Variants in URB1 observed in about 807,000 individuals in gnomAD.
The protein encoded by URB1 is nucleolar pre-ribosomal-associated protein 1.
URB1 carries 197 observed loss-of-function variants against 242.3 expected under a neutral mutation model. That is an observed-to-expected ratio of 0.81 (90% CI 0.72 to 0.91). The LOEUF (loss-of-function observed/expected upper bound fraction) is 0.91, where lower values mean the gene tolerates loss of function less well. URB1 is among the 40% of genes least tolerant of loss of function. URB1 has a pLI of 0.00. For synonymous variants in URB1, 1,153 were observed against 1,201.8 expected (o/e 0.96, Z 0.84); for missense variants, 2,721 against 2,860.5 (o/e 0.95, Z 1.11).
intron 4 of URB1, among the ~76,000 whole-genome samples, chr21:32,382,623 A>G (rs7276162): frequency 0.017 from 2,549 of 152,228 alleles, 67 homozygotes; most frequent in African/African-American, 0.058. Flanking sequence ...ATGGACTGAT[A>G]CCTGTCCCCT....
intron 1 of URB1, among the ~76,000 whole-genome samples, chr21:32,386,040 T>G (rs1225500790): frequency 6.6e-6 from 1 of 151,360 alleles, no homozygotes; most frequent in African/African-American, 2.4e-5. Flanking sequence ...TAGTCCCAGC[T>G]ACTTGGGAGG....
chr21:32,324,122 G>T (rs570429925), intron 32 of URB1, among the ~76,000 whole-genome samples: 2 of 152,340 alleles, frequency 1.3e-5, no homozygotes, highest in South Asian at 4.1e-4. Flanking sequence ...CAATCCCTAT[G>T]ATGTGATTGG....
intron 23 of URB1, 71 bp from the exon 24 acceptor site, chr21:32,344,827 A>G: frequency 6.8e-7 from 1 of 1,469,148 alleles, no homozygotes; most frequent in Non-Finnish European, 9.0e-7. Flanking sequence ...ATAATCCAGC[A>G]TCACAAAGAG....
chr21:32,365,368 T>C (rs1190329961), intron 10 of URB1, among the ~76,000 whole-genome samples: 1 of 152,082 alleles, frequency 6.6e-6, no homozygotes, highest in Non-Finnish European at 1.5e-5. Flanking sequence ...TGAGGAACAC[T>C]TGGGTCCAAG....
At chr21:32,362,122 G>A in intron 11 of URB1, 101 bp from the exon 12 acceptor site, 2 of 1,441,036 alleles carry the variant, frequency 1.4e-6, no homozygotes, top group Middle Eastern at 1.9e-4. Context: ...GGAGGGGGGT[G>A]CGAGTCTAGA....
At chr21:32,328,730 A>T (rs969264369) in intron 30 of URB1, among the ~76,000 whole-genome samples, 6 of 152,230 alleles carry the variant, frequency 3.9e-5, no homozygotes, top group African/African-American at 7.2e-5. Flanking sequence ...CCACGTGTCC[A>T]TGAGGAAAAG....
At chr21:32,327,125 C>T (rs1263031356) in intron 30 of URB1, among the ~76,000 whole-genome samples, 1 of 152,036 alleles carries the variant, frequency 6.6e-6, no homozygotes, top group Non-Finnish European at 1.5e-5. Context: ...TTAAGAATAT[C>T]ATGCAAGCAT....
chr21:32,382,392 G>A (rs1204557171), intron 4 of URB1, among the ~76,000 whole-genome samples: 1 of 152,144 alleles, frequency 6.6e-6, no homozygotes, highest in East Asian at 1.9e-4. Context: ...TTAAGACCTG[G>A]AATTTTTTTC....
chr21:32,385,533 G>C lies in URB1; in HGVS notation c.282+12C>G. ...TTCTTCTCTTCATCAAGCCATGTAAGGAACAACTTACTTCACTTTCAGGTC... is the reference window on the plus strand; with the variant it reads ...TTCTTCTCTTCATCAAGCCATGTAACGAACAACTTACTTCACTTTCAGGTC... On this transcript the variant is annotated intron_variant, in intron 2 of 38. Coordinates refer to ENST00000382751, the MANE Select transcript of URB1 (RefSeq NM_014825.3). 6.4e-7 allele frequency: 1 copy of C among 1,551,214 alleles called. No homozygotes were observed.
chr21:32,359,766 G>C lies in URB1; in HGVS notation c.1869+30C>G, dbSNP rs573738641. On this transcript the variant is annotated intron_variant, in intron 14 of 38. Transcript: ENST00000382751. Reference sequence around the variant, plus strand: ...CCACCCGGCCCAGCAGGTAAGCTTAGGGCAGAAGACTGGGAGTTCTGCTTC... The same window carrying C: ...CCACCCGGCCCAGCAGGTAAGCTTACGGCAGAAGACTGGGAGTTCTGCTTC... 6 of 1,523,158 alleles carry C rather than the reference G, an allele frequency of 3.9e-6. No individual in the cohort carries two copies. The Admixed American group carries it at 1.4e-4, about 36-fold the overall frequency. The allele number at this position is 1,523,158 out of a possible 1,614,324, so 94.4% of individuals were successfully genotyped here.
chr21:32,387,461 C>T (rs1316022252), intron 1 of URB1, among the ~76,000 whole-genome samples: 2 of 152,124 alleles, frequency 1.3e-5, no homozygotes, highest in Non-Finnish European at 2.9e-5. Flanking sequence ...TCTCTGGTTC[C>T]ACTCTTTGGG....
In URB1 at chr21:32,311,843, GCT is replaced by G. The variant is rs757872679; in HGVS notation, c.*3073_*3074del. The stretch of plus-strand genomic sequence containing the variant: ...GGAGCAGAACTGGCCCTGACCAGCC[GCT>G]ACGACAGGAGAGCTCCTCCACCTTG... On this transcript the variant is annotated 3_prime_UTR_variant, in exon 39 of 39. Transcript: ENST00000382751. The G allele has an allele frequency of 1.2e-6, 2 of 1,613,992 alleles. No homozygotes were observed. The highest frequency in any genetic ancestry group is 2.7e-5 in the African/African-American group (2 of 74,918).
At position 32,341,482 on chromosome 21, in the gene URB1, CG is replaced by C. The variant is rs1568816602; in HGVS notation, c.4299del (p.Phe1433LeufsTer2). The C allele has an allele frequency of 1.4e-5, 22 of 1,551,554 alleles. No homozygotes were observed. The highest frequency in any genetic ancestry group is 1.9e-5 in the Non-Finnish European group (22 of 1,146,956). On this transcript the variant is annotated frameshift_variant, in exon 25 of 39. Transcript: ENST00000382751. LOFTEE classifies it high-confidence loss of function. ...NEVDPGDWQKFVKKGLKFRYQ... is the reference protein window; with the variant it reads ...NEVDPGDWQKXVKKGLKFRYQ... ...TCAACTTACTTGAGTCCCTTCTTCA[CG>C]AATTTCTGCCAGTCACCAGGATCAA...
intron 14 of URB1, among the ~76,000 whole-genome samples, chr21:32,358,965 G>C (rs1188799162): frequency 6.6e-6 from 1 of 152,164 alleles, no homozygotes; most frequent in Non-Finnish European, 1.5e-5. Context: ...AACCTGCCCA[G>C]CATGCGAGTA....
intron 38 of URB1, among the ~76,000 whole-genome samples, chr21:32,316,168 C>T (rs984813779): frequency 0.17 from 8 of 46 alleles, no homozygotes; most frequent in Admixed American, 0.5. Context: ...GTCAGAAACC[C>T]ATTGCCTGCG....
Position 32,334,156 on chromosome 21 carries a change from G to A in URB1, c.4857+7C>T, listed in dbSNP as rs1225984490. The A allele has an allele frequency of 9.1e-6, 14 of 1,540,870 alleles. No homozygotes were observed. The highest frequency in any genetic ancestry group is 1.2e-5 in the Non-Finnish European group (14 of 1,139,524). On this transcript the variant is annotated splice_region_variant and intron_variant, in intron 29 of 38. Transcript: ENST00000382751. ...GGTGGGTAGGGACAGAACAGCAGCAGCCCAACCTCGGGGGGCAGCAGCCTC... is the reference window on the plus strand; with the variant it reads ...GGTGGGTAGGGACAGAACAGCAGCAACCCAACCTCGGGGGGCAGCAGCCTC...
Position 32,352,785 on chromosome 21 carries a change from C to A in URB1, c.2538G>T (p.Val846=). The A allele has an allele frequency of 1.9e-6, 3 of 1,551,742 alleles. No homozygotes were observed. The highest frequency in any genetic ancestry group is 1.2e-5 in the South Asian group (1 of 84,052). ...ACCGTGAGAGCTGCTGGCAGCAAGGCACCAGGCATGGAGGCTCAAGCTTAT... is the reference window on the plus strand; with the variant it reads ...ACCGTGAGAGCTGCTGGCAGCAAGGAACCAGGCATGGAGGCTCAAGCTTAT... ...AYDKLEPPCL[V]PCCQQLSRFN... The change falls in exon 19 of 39, where the codon GTG becomes GTT. Residue 846 remains valine (V), a synonymous_variant. Transcript: ENST00000382751.
chr21:32,391,463 T>C (rs1379351795), intron 1 of URB1, among the ~76,000 whole-genome samples: 1 of 152,124 alleles, frequency 6.6e-6, no homozygotes, highest in Non-Finnish European at 1.5e-5. Context: ...TCAGGCACCA[T>C]GTACCTCTCC....
chr21:32,338,621 G>C (rs1486877599), intron 26 of URB1, 86 bp downstream of exon 26: 1 of 1,423,506 alleles, frequency 7.0e-7, no homozygotes, highest in Non-Finnish European at 9.7e-7. Context: ...GAGAGCCGGA[G>C]GGAGATGAGC....
Sources: gnomAD v4.1 joint callset for allele counts (sites outside exome capture counted in the v4.1 genomes callset) on GRCh38, gnomAD v4.1.1 for gene constraint, MANE v1.5 for transcripts, NCBI Gene and HGNC (gene_info 2026-07-23, HGNC 2026-07-21) for gene names.